Variants in KLHL13 observed in about 807,000 individuals in gnomAD.
KLHL13 encodes kelch-like protein 13.
In KLHL13, 10 loss-of-function variants were observed where a neutral mutation model predicts 37.1. The observed-to-expected ratio is 0.27, with a 90% confidence interval of 0.17 to 0.46. The LOEUF (loss-of-function observed/expected upper bound fraction) is 0.46. KLHL13 is among the 20% of genes least tolerant of loss of function. KLHL13 has a pLI of 1.00. For missense variants in KLHL13, 360 were observed against 509.3 expected, an observed-to-expected ratio of 0.71 and a Z score of 2.82; for synonymous variants, 163 against 181.2, an observed-to-expected ratio of 0.90 and a Z score of 0.81.
chrX:117,964,694 G>A (rs1370643772), intron 1 of KLHL13, among the ~76,000 whole-genome samples: 2 of 111,123 alleles, frequency 1.8e-5, no homozygotes, highest in African/African-American at 6.6e-5. Flanking sequence ...CCATTAACTC[G>A]TCATTTAACA....
intron 1 of KLHL13, among the ~76,000 whole-genome samples, chrX:118,105,054 C>T (rs953426559): frequency 8.9e-6 from 1 of 112,196 alleles, no homozygotes; most frequent in Non-Finnish European, 1.9e-5. Flanking sequence ...AAAATAAACA[C>T]GCCCACACAC....
At chrX:117,971,407 C>T (rs774321624) in intron 1 of KLHL13, among the ~76,000 whole-genome samples, 1 of 111,427 alleles carries the variant, frequency 9.0e-6, no homozygotes, top group Non-Finnish European at 1.9e-5. Context: ...AACTTCTCAC[C>T]TCCATTAACT....
chrX:117,915,616 T>G (rs1007961263), intron 4 of KLHL13, among the ~76,000 whole-genome samples: 2 of 112,457 alleles, frequency 1.8e-5, no homozygotes, highest in Non-Finnish European at 3.7e-5. Context: ...AATGCTTTTA[T>G]ACAAACATAA....
At chrX:117,910,484 T>G (rs1209744531) in intron 4 of KLHL13, among the ~76,000 whole-genome samples, 2 of 106,560 alleles carry the variant, frequency 1.9e-5, no homozygotes, top group African/African-American at 3.4e-5. Context: ...CTATTATGAT[T>G]CATCTCAATC....
intron 1 of KLHL13, among the ~76,000 whole-genome samples, chrX:118,002,020 C>T (rs1035361003): frequency 4.5e-5 from 5 of 111,302 alleles, no homozygotes; most frequent in Middle Eastern, 4.6e-3. Context: ...AAATTCTATC[C>T]GAACAGATAC....
intron 1 of KLHL13, among the ~76,000 whole-genome samples, chrX:118,083,823 TG>T (rs1800646530): frequency 9.0e-6 from 1 of 111,603 alleles, no homozygotes; most frequent in African/African-American, 3.3e-5. Context: ...AACATCACAT[TG>T]TACCCCATAA....
intron 2 of KLHL13, among the ~76,000 whole-genome samples, chrX:117,939,934 T>C (rs1932933851): frequency 8.9e-6 from 1 of 111,775 alleles, no homozygotes; most frequent in Admixed American, 9.5e-5. Flanking sequence ...GTGCAGAAGC[T>C]CTTTAGTTTA....
At chrX:117,976,751 C>T (rs1403546276), upstream of KLHL13, among the ~76,000 whole-genome samples, 1 of 111,648 alleles carries the variant, frequency 9.0e-6, no homozygotes, top group Non-Finnish European at 1.9e-5. Flanking sequence ...CTCTTCGACG[C>T]ATTTTATGAA....
At chrX:118,081,076 T>C (rs956262241) in intron 1 of KLHL13, among the ~76,000 whole-genome samples, 3 of 111,078 alleles carry the variant, frequency 2.7e-5, no homozygotes, top group Non-Finnish European at 5.7e-5. Context: ...CATATGGACA[T>C]AAATATCGAA....
chrX:118,071,430 C>T, intron 1 of KLHL13, among the ~76,000 whole-genome samples: 1 of 111,667 alleles, frequency 9.0e-6, no homozygotes, highest in Non-Finnish European at 1.9e-5. Context: ...TGTTTCCTGA[C>T]TTTTTAATGA....
intron 1 of KLHL13, among the ~76,000 whole-genome samples, chrX:118,031,423 A>ATATATAGATATATATATTTAGATG (rs2054338526): frequency 1.1e-5 from 1 of 90,729 alleles, no homozygotes; most frequent in African/African-American, 5.2e-5. Flanking sequence ...GCCAGGGAAT[A>ATATATAGATATATATATTTAGATG]TATATAGATA....
At chrX:118,068,702 G>A (rs1036070748) in intron 1 of KLHL13, among the ~76,000 whole-genome samples, 6 of 111,354 alleles carry the variant, frequency 5.4e-5, no homozygotes, top group African/African-American at 1.6e-4. Context: ...CACCCCAAGT[G>A]GCCCACAGGG....
intron 1 of KLHL13, among the ~76,000 whole-genome samples, chrX:117,981,212 C>T (rs1044955505): frequency 4.5e-5 from 5 of 112,092 alleles, no homozygotes; most frequent in African/African-American, 1.6e-4. Context: ...TTAGCACATG[C>T]CACATCAAGT....
At chrX:118,030,171 T>C (rs2054320993) in intron 1 of KLHL13, among the ~76,000 whole-genome samples, 1 of 111,403 alleles carries the variant, frequency 9.0e-6, no homozygotes, top group African/African-American at 3.3e-5. Flanking sequence ...TCAAATGACA[T>C]CATTTATGTT....
At chrX:117,951,690 T>G (rs1173948254) in intron 1 of KLHL13, among the ~76,000 whole-genome samples, 1 of 112,348 alleles carries the variant, frequency 8.9e-6, no homozygotes, top group Non-Finnish European at 1.9e-5. Flanking sequence ...TGCATATGTC[T>G]GTCACATTTA....
At chrX:118,060,289 T>A (rs1269406593) in intron 1 of KLHL13, among the ~76,000 whole-genome samples, 1 of 111,450 alleles carries the variant, frequency 9.0e-6, no homozygotes, top group Non-Finnish European at 1.9e-5. Flanking sequence ...TTGTGCATCA[T>A]GTAGACCTGG....
At chrX:118,011,852 C>T (rs1174622625) in intron 1 of KLHL13, among the ~76,000 whole-genome samples, 3 of 112,252 alleles carry the variant, frequency 2.7e-5, no homozygotes, top group Non-Finnish European at 5.6e-5. Flanking sequence ...ATATTAACAG[C>T]GCTTTCAGTG....
intron 1 of KLHL13, among the ~76,000 whole-genome samples, chrX:118,050,498 C>T (rs2054602422): frequency 9.0e-6 from 1 of 111,676 alleles, no homozygotes; most frequent in African/African-American, 3.3e-5. Context: ...TCTTACTTAT[C>T]TATAGGAGTG....
At chrX:117,948,141 A>G (rs1228753719) in intron 1 of KLHL13, among the ~76,000 whole-genome samples, 1 of 111,839 alleles carries the variant, frequency 8.9e-6, no homozygotes, top group Admixed American at 9.5e-5. Context: ...AAAACAGGAC[A>G]GTTCTCTAGG....
Sources: gnomAD v4.1 joint callset for allele counts (sites outside exome capture counted in the v4.1 genomes callset) on GRCh38, gnomAD v4.1.1 for gene constraint, MANE v1.5 for transcripts, NCBI Gene and HGNC (gene_info 2026-07-23, HGNC 2026-07-21) for gene names.